Variants in COL5A2 observed in about 807,000 individuals in gnomAD.
The protein encoded by COL5A2 is collagen type V alpha 2 chain.
In COL5A2, 23 loss-of-function variants were observed where a neutral mutation model predicts 208.2. That is an observed-to-expected ratio of 0.11 (90% confidence interval 0.08 to 0.16). The LOEUF is 0.16. Ranked by LOEUF, COL5A2 falls within the 10% of genes least tolerant of loss-of-function variation. The pLI is 1.00. For synonymous variants in COL5A2, 625 were observed against 628.5 expected, an observed-to-expected ratio of 0.99 and a Z score of 0.08; for missense variants, 1,590 against 1,956.4, an observed-to-expected ratio of 0.81 and a Z score of 3.53.
At chr2:189,231,803 A>G in the COL5A2 span, among the ~76,000 whole-genome samples, 1 of 149,166 alleles carries the variant, frequency 6.7e-6, no homozygotes, top group Admixed American at 6.7e-5. Context: ...CTATTTTTCC[A>G]TTCTCTGTTC....
At chr2:189,183,270 C>T (rs149386306), upstream of COL5A2, among the ~76,000 whole-genome samples, 84 of 152,248 alleles carry the variant, frequency 5.5e-4, no homozygotes, top group East Asian at 2.5e-3. Context: ...CATGGCTTCC[C>T]TGGTCTCACA....
At chr2:189,437,279 T>G in the COL5A2 span, among the ~76,000 whole-genome samples, 1 of 152,170 alleles carries the variant, frequency 6.6e-6, no homozygotes, top group Non-Finnish European at 1.5e-5. Context: ...GAGCTGCCAT[T>G]AGATTATTTT....
At chr2:189,358,235 GAAAA>G in the COL5A2 span, among the ~76,000 whole-genome samples, 1 of 146,120 alleles carries the variant, frequency 6.8e-6, no homozygotes, top group South Asian at 2.2e-4. Context: ...CTACTGCTCA[GAAAA>G]AAAAAAATCA....
the COL5A2 span, among the ~76,000 whole-genome samples, chr2:189,432,096 T>G: frequency 6.6e-6 from 1 of 152,138 alleles, no homozygotes; most frequent in Non-Finnish European, 1.5e-5. Context: ...CCAGCCAAAC[T>G]AAGCTTCATA....
In COL5A2 at chr2:189,057,314, AC is replaced by A; in HGVS notation, c.2337+5del. 8.2e-7 allele frequency: 1 copy of A among 1,214,382 alleles called. No individual in the cohort carries two copies. Among genetic ancestry groups the A allele is most frequent in the Non-Finnish European group, 1.2e-6 (1 of 838,278 alleles). 75.2% of individuals were successfully genotyped at this position (1,214,382 alleles called of 1,614,324 possible). Reference sequence around the variant, plus strand: ...TGAAAAAAAAAAAAAAAAAAAAAGGACTTACTCTGTCACCCTTGGGGCCAGG... The same window carrying A: ...TGAAAAAAAAAAAAAAAAAAAAAGGATTACTCTGTCACCCTTGGGGCCAGG... On this transcript the variant is annotated splice_donor_5th_base_variant and intron_variant, in intron 34 of 53. Coordinates refer to ENST00000374866, the MANE Select transcript of COL5A2 (RefSeq NM_000393.5).
chr2:189,188,723 G>A (rs531193388), intron 1 of COL5A2, among the ~76,000 whole-genome samples: 2 of 152,152 alleles, frequency 1.3e-5, no homozygotes, highest in Admixed American at 6.5e-5. Context: ...AAAAGTTAAA[G>A]GCCTAAGTCT....
the COL5A2 span, among the ~76,000 whole-genome samples, chr2:189,417,940 G>C: frequency 6.6e-6 from 1 of 151,896 alleles, no homozygotes; most frequent in Non-Finnish European, 1.5e-5. Context: ...ATCATCATGG[G>C]AATGCAGATA....
intron 53 of COL5A2, 121 bp downstream of exon 53, chr2:189,034,795 A>T: frequency 1.8e-6 from 2 of 1,134,982 alleles, no homozygotes; most frequent in Non-Finnish European, 1.3e-6. Flanking sequence ...GACTATAAAC[A>T]AACTGCTATT....
At chr2:189,062,420 G>C (rs1471303428) in intron 29 of COL5A2, among the ~76,000 whole-genome samples, 1 of 152,032 alleles carries the variant, frequency 6.6e-6, no homozygotes, top group Non-Finnish European at 1.5e-5. Flanking sequence ...CTGACCTCAG[G>C]TAATCCACCT....
chr2:189,401,236 T>C, the COL5A2 span, among the ~76,000 whole-genome samples: 1 of 152,020 alleles, frequency 6.6e-6, no homozygotes, highest in African/African-American at 2.4e-5. Flanking sequence ...CTGACAGGCA[T>C]TAGTGTGTGT....
chr2:189,225,510 T>C (rs1689403349), upstream of COL5A2, among the ~76,000 whole-genome samples: 1 of 151,830 alleles, frequency 6.6e-6, no homozygotes, highest in Admixed American at 6.6e-5. Context: ...GTATTCAAAT[T>C]TGGCCAAACA....
At chr2:189,054,901 T>G (rs1685870731) in intron 35 of COL5A2, among the ~76,000 whole-genome samples, 1 of 149,302 alleles carries the variant, frequency 6.7e-6, no homozygotes, top group Admixed American at 6.7e-5. Context: ...TTTTTTTTTT[T>G]GAGACGGAGT....
intron 1 of COL5A2, among the ~76,000 whole-genome samples, chr2:189,185,809 G>T (rs1688844690): frequency 6.6e-6 from 1 of 152,124 alleles, no homozygotes; most frequent in Non-Finnish European, 1.5e-5. Context: ...AATAGAAAAT[G>T]ATGATTGAAT....
chr2:189,381,854 G>C, the COL5A2 span, among the ~76,000 whole-genome samples: 19 of 152,034 alleles, frequency 1.2e-4, no homozygotes, highest in East Asian at 3.3e-3. Flanking sequence ...TCAGATTATA[G>C]ATAGAAAATA....
chr2:189,341,630 G>A, the COL5A2 span, among the ~76,000 whole-genome samples: 1 of 152,070 alleles, frequency 6.6e-6, no homozygotes, highest in Non-Finnish European at 1.5e-5. Context: ...TTCCAGGGCT[G>A]GTTTCTAGTG....
chr2:189,256,595 G>T, the COL5A2 span, among the ~76,000 whole-genome samples: 7 of 152,112 alleles, frequency 4.6e-5, no homozygotes, highest in African/African-American at 1.7e-4. Flanking sequence ...TAATTCAAAA[G>T]TTTATATTTA....
the COL5A2 span, among the ~76,000 whole-genome samples, chr2:189,389,553 T>G: frequency 3.3e-5 from 5 of 152,194 alleles, no homozygotes; most frequent in African/African-American, 4.8e-5. Context: ...ATGCTGTCAG[T>G]GCAATCTTTA....
chr2:189,121,793 T>C (rs1687507596), intron 1 of COL5A2, among the ~76,000 whole-genome samples: 1 of 151,528 alleles, frequency 6.6e-6, no homozygotes, highest in Non-Finnish European at 1.5e-5. Flanking sequence ...CAGTCTTTCT[T>C]CAATTGTAGA....
chr2:189,242,053 TC>T, the COL5A2 span, among the ~76,000 whole-genome samples: 3 of 152,216 alleles, frequency 2.0e-5, no homozygotes, highest in African/African-American at 7.2e-5. Flanking sequence ...CTATTGGGGT[TC>T]CTCTTTTTCT....
Sources: allele counts gnomAD v4.1 joint callset (sites outside exome capture counted in the v4.1 genomes callset), GRCh38; gene constraint gnomAD v4.1.1; transcripts MANE v1.5; gene names NCBI Gene and HGNC (gene_info 2026-07-23, HGNC 2026-07-21).